The following MCM6 variants were observed in gnomAD, a reference collection of about 807,000 sequenced individuals.
MCM6 encodes the protein DNA replication licensing factor MCM6.
Under a neutral mutation model 94.3 loss-of-function variants are expected in MCM6, and 46 were observed. The ratio of observed to expected loss-of-function variants is 0.49; its 90% CI spans 0.39 to 0.62. The LOEUF is 0.62. MCM6 is among the 20% of genes least tolerant of loss of function. The probability of loss-of-function intolerance (pLI) is 0.00; values close to 1 mark genes in which losing one functional copy is unlikely to be tolerated. For synonymous variants in MCM6, 335 were observed against 351.9 expected (o/e 0.95, Z 0.54); for missense variants, 865 against 1,017.9 (o/e 0.85, Z 2.04).
At chr2:135,849,449 T>C (rs1218068119) in intron 13 of MCM6, among the ~76,000 whole-genome samples, 3 of 152,240 alleles carry the variant, frequency 2.0e-5, no homozygotes, top group Middle Eastern at 3.2e-3. Flanking sequence ...AGTGATACGT[T>C]ACTGAATAGG....
intron 11 of MCM6, 35 bp downstream of exon 11, chr2:135,856,693 C>T: frequency 1.9e-6 from 3 of 1,605,664 alleles, no homozygotes; most frequent in South Asian, 1.1e-5. Flanking sequence ...TCGATTACTC[C>T]AACTGGAAAT....
intron 8 of MCM6, among the ~76,000 whole-genome samples, chr2:135,861,284 T>C (rs1679988204): frequency 6.6e-6 from 1 of 152,162 alleles, no homozygotes; most frequent in South Asian, 2.1e-4. Context: ...AATTTTAATA[T>C]TCATGGCTCG....
In MCM6 at chr2:135,856,815, T is replaced by G; in HGVS notation, c.1539A>C (p.Ser513=). The G allele has an allele frequency of 1.2e-6, 2 of 1,614,200 alleles. No homozygotes were observed. The highest frequency in any genetic ancestry group is 1.7e-6 in the Non-Finnish European group (2 of 1,180,020). The part of the protein sequence containing the change: ...ANPISGHYDR[S]KSLKQNINLS... The stretch of plus-strand genomic sequence containing the variant: ...AATTTATATTCTGTTTCAATGATTT[T>G]GATCTGTCATAGTGTCCACTGATTG... The change falls in exon 11 of 17, where the codon TCA becomes TCC. Residue 513 remains serine (S), a synonymous_variant. Coordinates refer to ENST00000264156, the MANE Select transcript of MCM6 (RefSeq NM_005915.6).
At chr2:135,856,480 T>C (rs1679894725) in intron 11 of MCM6, among the ~76,000 whole-genome samples, 1 of 152,210 alleles carries the variant, frequency 6.6e-6, no homozygotes, top group Admixed American at 6.5e-5. Flanking sequence ...CTGTAACTTG[T>C]TTCCTTTTGA....
intron 3 of MCM6, among the ~76,000 whole-genome samples, chr2:135,869,929 A>C (rs4988167): frequency 3.2e-4 from 49 of 152,336 alleles, no homozygotes; most frequent in African/African-American, 1.2e-3. Context: ...ACAAAATCTG[A>C]ATGCAAACCA....
chr2:135,869,067 T>A (rs1659384800), intron 3 of MCM6, among the ~76,000 whole-genome samples: 1 of 151,970 alleles, frequency 6.6e-6, no homozygotes, highest in African/African-American at 2.4e-5. Flanking sequence ...ACAAAATATA[T>A]AAATGAACTA....
intron 16 of MCM6, among the ~76,000 whole-genome samples, chr2:135,844,119 CA>C (rs748375569): frequency 0.025 from 2,944 of 118,500 alleles, 34 homozygotes; most frequent in Middle Eastern, 0.053. Flanking sequence ...GATAAGGATA[CA>C]AAAAAAAAAA....
At position 135,847,657 on chromosome 2, in the gene MCM6, G is replaced by A. The variant is rs375216697; in HGVS notation, c.2053+396C>T. Among the ~76,000 whole-genome samples the A allele has an allele frequency of 1.6e-4, 25 of 152,220 alleles. No homozygotes were observed. The East Asian group carries it at 4.3e-3, about 26-fold the overall frequency. ...CAGCTCACTGCAACCTCCGCCTCCC[G>A]GGTTCAAGTGATTCTCCTGCCTCAG... On this transcript the variant is annotated intron_variant, in intron 14 of 16. Coordinates refer to ENST00000264156, the MANE Select transcript of MCM6 (RefSeq NM_005915.6).
chr2:135,852,358 A>G (rs1254030865), intron 12 of MCM6, among the ~76,000 whole-genome samples: 1 of 152,198 alleles, frequency 6.6e-6, no homozygotes, highest in Non-Finnish European at 1.5e-5. Context: ...GAACAGAGTT[A>G]GTCCAATACA....
chr2:135,861,688 C>T (rs1448830836), intron 8 of MCM6, among the ~76,000 whole-genome samples: 1 of 152,188 alleles, frequency 6.6e-6, no homozygotes, highest in Non-Finnish European at 1.5e-5. Context: ...TCTCGGCTCA[C>T]TGCAAGCTCC....
chr2:135,855,811 T>C (rs1679862500), intron 11 of MCM6, among the ~76,000 whole-genome samples: 1 of 152,222 alleles, frequency 6.6e-6, no homozygotes, highest in South Asian at 2.1e-4. Context: ...ATTTAAAAAG[T>C]ACAGCCTAAA....
At chr2:135,864,067 C>T (rs765967297) in intron 7 of MCM6, among the ~76,000 whole-genome samples, 1 of 150,046 alleles carries the variant, frequency 6.7e-6, no homozygotes, top group Non-Finnish European at 1.5e-5. Context: ...GCTGAGATCA[C>T]GCCACTGCAC....
chr2:135,858,125 T>C (rs182839208), intron 9 of MCM6, 121 bp from the exon 10 acceptor site: 1 of 850,430 alleles, frequency 1.2e-6, no homozygotes, highest in Non-Finnish European at 2.0e-6. Flanking sequence ...GGCCGGGCAT[T>C]TGAGGTTACA....
chr2:135,875,214 A>AT, intron 1 of MCM6, among the ~76,000 whole-genome samples: 1 of 152,322 alleles, frequency 6.6e-6, no homozygotes. Flanking sequence ...AAAATACCAA[A>AT]TTAGCCGGGC....
chr2:135,869,338 G>GTGCA (rs1467609608), intron 3 of MCM6, among the ~76,000 whole-genome samples: 2 of 151,042 alleles, frequency 1.3e-5, no homozygotes, highest in Non-Finnish European at 2.9e-5. Flanking sequence ...GAGGTGGAGG[G>GTGCA]TGCAGTGAGC....
chr2:135,865,489 C>T (rs1019329517), intron 6 of MCM6, among the ~76,000 whole-genome samples: 2 of 152,160 alleles, frequency 1.3e-5, no homozygotes, highest in African/African-American at 2.4e-5. Flanking sequence ...TTTTCCAATA[C>T]TGAACTATTT....
At chr2:135,869,421 A>C (rs1433039641) in intron 3 of MCM6, among the ~76,000 whole-genome samples, 5 of 151,164 alleles carry the variant, frequency 3.3e-5, no homozygotes, top group South Asian at 2.1e-4. Context: ...AAAAACAAAA[A>C]CAGAATGATC....
rs200231978 is a variant in MCM6, at chr2:135,840,843, C to T, written c.2458G>A (p.Glu820Lys). 88 of 1,609,786 alleles carry T rather than the reference C, an allele frequency of 5.5e-5. No individual in the cohort carries two copies. In the Middle Eastern group the frequency reaches 9.9e-4, roughly 18 times the overall value. ...YLVVNPNYLL[E>K]D ...CAGTTACTTTCACTATCTCAATCTT[C>T]GAGCAAGTAGTTAGGGTTAACTACC... The change falls in exon 17 of 17, where the codon GAA becomes AAA. Residue 820 changes from glutamate (E) to lysine (K), a missense_variant. Transcript: ENST00000264156.
intron 13 of MCM6, 63 bp from the exon 14 acceptor site, chr2:135,848,251 C>A: frequency 8.1e-7 from 1 of 1,228,832 alleles, no homozygotes; most frequent in South Asian, 1.3e-5. Context: ...GATTTTCTCC[C>A]AATGAAATCA....
Sources: gnomAD v4.1 joint callset for allele counts (sites outside exome capture counted in the v4.1 genomes callset) on GRCh38, gnomAD v4.1.1 for gene constraint, MANE v1.5 for transcripts, NCBI Gene and HGNC (gene_info 2026-07-23, HGNC 2026-07-21) for gene names.